MIPOL1: variants seen among roughly 807,000 people sequenced by gnomAD.
The protein encoded by MIPOL1 is mirror-image polydactyly gene 1 protein.
A neutral mutation model predicts 60.9 loss-of-function variants in MIPOL1; 57 were observed. The observed-to-expected ratio is 0.94, with a 90% confidence interval of 0.76 to 1.17. The LOEUF (loss-of-function observed/expected upper bound fraction) is 1.17, where lower values mean the gene tolerates loss of function less well. Ranked by LOEUF, MIPOL1 falls within the 50% of genes most tolerant of loss-of-function variation. The pLI, the probability that MIPOL1 is intolerant of heterozygous loss-of-function variation, is 0.00. For synonymous variants in MIPOL1, 179 were observed against 168.8 expected (o/e 1.06, Z -0.47); for missense variants, 551 against 511.6 (o/e 1.08, Z -0.74).
intron 7 of MIPOL1, among the ~76,000 whole-genome samples, chr14:37,303,748 A>T (rs973420272): frequency 8.6e-5 from 13 of 151,864 alleles, no homozygotes; most frequent in African/African-American, 3.1e-4. Context: ...GTACAGTGCT[A>T]GTTGCTGGGG....
intron 1 of MIPOL1, among the ~76,000 whole-genome samples, chr14:37,199,101 G>T (rs1286969518): frequency 2.0e-5 from 3 of 152,138 alleles, no homozygotes; most frequent in African/African-American, 4.8e-5. Flanking sequence ...AGAGTTTATA[G>T]AGATATTTTT....
rs71971937 is a variant in MIPOL1 at position 37,495,117 on chromosome 14, C to CT, written c.1032-4777dup. 5.0e-4 allele frequency among the ~76,000 whole-genome samples: 70 copies of CT among 140,218 alleles called. 2 individuals are homozygous for CT. In the East Asian group the frequency reaches 6.6e-3, roughly 13 times the overall value. The allele number at this position is 140,218 out of a possible 152,430, so 92.0% of individuals were successfully genotyped here. ...TTCTTTTTTTTTCTAGGTAATTTTTCTTTTTTTTTTTTTTAATATTTTTTT... is the reference window on the plus strand; with the variant it reads ...TTCTTTTTTTTTCTAGGTAATTTTTCTTTTTTTTTTTTTTTAATATTTTTTT... On this transcript the variant is annotated intron_variant, in intron 11 of 12. Coordinates refer to ENST00000684589, the MANE Select transcript of MIPOL1 (RefSeq NM_001388067.1).
At chr14:37,250,459 A>G (rs1973906577) in intron 3 of MIPOL1, among the ~76,000 whole-genome samples, 1 of 152,148 alleles carries the variant, frequency 6.6e-6, no homozygotes, top group Non-Finnish European at 1.5e-5. Context: ...AGGCAGGAGA[A>G]TCACTTGAAC....
In MIPOL1 at chr14:37,547,476, A is replaced by G. The variant is rs1366881225; in HGVS notation, c.*505A>G. On this transcript the variant is annotated 3_prime_UTR_variant, in exon 13 of 13. Transcript: ENST00000684589. ...GACATGAGTGTGTAGTCTTCCTTCA[A>G]TGCGTGTATGTAATCTTTGTTAGTA... is the stretch of plus-strand genomic sequence containing the variant. 2 of 152,816 alleles carry G rather than the reference A, an allele frequency of 1.3e-5. No individual in the cohort carries two copies. Among genetic ancestry groups the G allele is most frequent in the Admixed American group, 6.5e-5 (1 of 15,270 alleles). 9.5% of individuals were successfully genotyped at this position (152,816 alleles called of 1,614,324 possible).
At chr14:37,407,460 C>A (rs1317500120) in intron 10 of MIPOL1, among the ~76,000 whole-genome samples, 5 of 152,040 alleles carry the variant, frequency 3.3e-5, no homozygotes, top group Non-Finnish European at 7.4e-5. Context: ...AACATTTTAT[C>A]AATTATATAA....
At chr14:37,230,263 G>C (rs1367243757) in intron 1 of MIPOL1, among the ~76,000 whole-genome samples, 1 of 152,032 alleles carries the variant, frequency 6.6e-6, no homozygotes, top group African/African-American at 2.4e-5. Flanking sequence ...GCTCTAACAG[G>C]ACTAAAAATT....
At chr14:37,332,504 A>C (rs2089785775) in intron 9 of MIPOL1, among the ~76,000 whole-genome samples, 1 of 152,214 alleles carries the variant, frequency 6.6e-6, no homozygotes, top group African/African-American at 2.4e-5. Flanking sequence ...TACCTTTAAC[A>C]ACACACAGTT....
intron 9 of MIPOL1, among the ~76,000 whole-genome samples, chr14:37,317,822 A>G (rs2153442967): frequency 6.6e-6 from 1 of 152,298 alleles, no homozygotes; most frequent in African/African-American, 2.4e-5. Context: ...TGTATAGGAA[A>G]AAATCCCTAA....
At chr14:37,265,827 C>T (rs773142180) in intron 3 of MIPOL1, among the ~76,000 whole-genome samples, 31 of 151,964 alleles carry the variant, frequency 2.0e-4, no homozygotes, top group Non-Finnish European at 3.4e-4. Context: ...AATAAATTTT[C>T]AGTAGAAGAG....
At chr14:37,285,835 G>A (rs1304383159) in intron 7 of MIPOL1, among the ~76,000 whole-genome samples, 2 of 151,784 alleles carry the variant, frequency 1.3e-5, no homozygotes, top group African/African-American at 4.8e-5. Flanking sequence ...CTTGTGATCT[G>A]CCCACCTTAG....
At chr14:37,424,696 A>T (rs923175333) in intron 11 of MIPOL1, among the ~76,000 whole-genome samples, 7 of 152,212 alleles carry the variant, frequency 4.6e-5, no homozygotes, top group African/African-American at 1.7e-4. Context: ...TTGCTTTTGC[A>T]ATTAGAATTA....
intron 10 of MIPOL1, among the ~76,000 whole-genome samples, chr14:37,398,531 C>T (rs1220164437): frequency 6.6e-6 from 1 of 152,162 alleles, no homozygotes; most frequent in Non-Finnish European, 1.5e-5. Flanking sequence ...CCAACCTTTT[C>T]GTATCTTCTC....
At chr14:37,388,349 G>A (rs970492523) in intron 10 of MIPOL1, among the ~76,000 whole-genome samples, 1 of 151,816 alleles carries the variant, frequency 6.6e-6, no homozygotes, top group African/African-American at 2.4e-5. Flanking sequence ...TATTTGTATT[G>A]GATAGTATTT....
In MIPOL1 at chr14:37,470,377, G is replaced by A. The variant is rs147516495; in HGVS notation, c.1032-29531G>A. 4.9e-3 allele frequency among the ~76,000 whole-genome samples: 746 copies of A among 152,160 alleles called. 3 individuals are homozygous for A. Among genetic ancestry groups the A allele is most frequent in the Admixed American group, 9.4e-3 (144 of 15,274 alleles). ...GTTGAATCGTGATCCCCAGTGTTAC[G>A]GGAGGGGCCTGGCGGGAGGTGATTG... On this transcript the variant is annotated intron_variant, in intron 11 of 12. Coordinates refer to ENST00000684589, the MANE Select transcript of MIPOL1 (RefSeq NM_001388067.1).
In MIPOL1 at chr14:37,550,495, C is replaced by CATATATATATATATATAT. The variant is rs3062723; in HGVS notation, c.*3526_*3543dup. On this transcript the variant is annotated 3_prime_UTR_variant, in exon 13 of 13. Transcript: ENST00000684589. ...AGCTAACCTATCTATTCATATTTTA[C>CATATATATATATATATAT]ATATATATATATATATATACATGCA... 1.5e-4 allele frequency: 22 copies of CATATATATATATATATAT among 145,810 alleles called. No individual in the cohort carries two copies. Among genetic ancestry groups the CATATATATATATATATAT allele is most frequent in the African/African-American group, 4.8e-4 (19 of 39,764 alleles). The allele number at this position is 145,810 out of a possible 1,614,324, so 9.0% of individuals were successfully genotyped here.
chr14:37,524,565 C>CTT (rs1173993657), intron 12 of MIPOL1, among the ~76,000 whole-genome samples: 3,271 of 124,666 alleles, frequency 0.026, 442 homozygotes, highest in African/African-American at 0.042. Context: ...TTTTCTTTTT[C>CTT]TTTTCTTTTT....
At chr14:37,313,606 G>T (rs142680364) in intron 9 of MIPOL1, among the ~76,000 whole-genome samples, 1 of 152,084 alleles carries the variant, frequency 6.6e-6, no homozygotes, top group Non-Finnish European at 1.5e-5. Flanking sequence ...AAAACAGAAG[G>T]CAAAAGTCTT....
At chr14:37,294,700 G>A (rs892573649) in intron 7 of MIPOL1, among the ~76,000 whole-genome samples, 3 of 152,158 alleles carry the variant, frequency 2.0e-5, no homozygotes, top group Non-Finnish European at 2.9e-5. Flanking sequence ...CTGGAAGAAA[G>A]GGTATCAGTG....
At chr14:37,201,577 A>G (rs953811320) in intron 1 of MIPOL1, among the ~76,000 whole-genome samples, 3 of 152,070 alleles carry the variant, frequency 2.0e-5, no homozygotes, top group African/African-American at 7.2e-5. Context: ...GTTTTCTGAC[A>G]TTTTTATCTA....
Sources: allele counts gnomAD v4.1 joint callset (sites outside exome capture counted in the v4.1 genomes callset), GRCh38; gene constraint gnomAD v4.1.1; transcripts MANE v1.5; gene names NCBI Gene and HGNC (gene_info 2026-07-23, HGNC 2026-07-21).